Variants in SHC4 observed in about 807,000 individuals in gnomAD.
The protein encoded by SHC4 is SHC adaptor protein 4.
SHC4 carries 41 observed loss-of-function variants against 69.4 expected under a neutral mutation model. The ratio of observed to expected loss-of-function variants is 0.59; its 90% CI spans 0.46 to 0.77. The LOEUF (loss-of-function observed/expected upper bound fraction) is 0.77. SHC4 is among the 30% of genes least tolerant of loss of function. The pLI, the probability that SHC4 is intolerant of heterozygous loss-of-function variation, is 0.00. For synonymous variants in SHC4, 318 were observed against 299.3 expected, an observed-to-expected ratio of 1.06 and a Z score of -0.64; for missense variants, 777 against 783.8, an observed-to-expected ratio of 0.99 and a Z score of 0.10.
intron 10 of SHC4, among the ~76,000 whole-genome samples, chr15:48,836,192 A>G (rs1595726455): frequency 6.6e-6 from 1 of 152,140 alleles, no homozygotes; most frequent in Non-Finnish European, 1.5e-5. Flanking sequence ...CCCTGCCTCA[A>G]ACAAACAAAA....
chr15:48,880,695 T>C (rs1236226918), intron 4 of SHC4, among the ~76,000 whole-genome samples: 2 of 152,126 alleles, frequency 1.3e-5, no homozygotes, highest in East Asian at 1.9e-4. Context: ...TGTTTTTCAG[T>C]CTTAAAAATA....
intron 4 of SHC4, chr15:48,878,822 T>G: frequency 7.3e-7 from 1 of 1,374,962 alleles, no homozygotes; most frequent in Non-Finnish European, 9.8e-7. Flanking sequence ...CCAAATAGTT[T>G]TGTGCCATTG....
intron 1 of SHC4, among the ~76,000 whole-genome samples, chr15:48,940,962 T>G (rs1901164559): frequency 1.3e-5 from 2 of 152,222 alleles, no homozygotes; most frequent in African/African-American, 2.4e-5. Context: ...TCTTTTTACA[T>G]GAAACACAAG....
rs1567045702 is a variant in SHC4 at position 48,824,564 on chromosome 15, G to T, written c.*1407C>A. ...CTGAATGGTTTGGAGTCTAAACTAT[G>T]TGAATGTTGATCTCAGGTGTGCCAT... On this transcript the variant is annotated 3_prime_UTR_variant, in exon 12 of 12. Coordinates refer to ENST00000332408, the MANE Select transcript of SHC4 (RefSeq NM_203349.4). 2 of 152,144 alleles carry T rather than the reference G, an allele frequency of 1.3e-5. No homozygotes were observed. The highest frequency in any genetic ancestry group is 2.9e-5 in the Non-Finnish European group (2 of 68,030). The allele number at this position is 152,144 out of a possible 1,614,324, so 9.4% of individuals were successfully genotyped here. A position where few individuals can be genotyped will look rare whatever the true frequency, so the allele number is the denominator to read the frequency against.
chr15:48,905,693 A>G (rs1900394756), intron 2 of SHC4, among the ~76,000 whole-genome samples: 2 of 152,252 alleles, frequency 1.3e-5, no homozygotes, highest in South Asian at 4.1e-4. Context: ...ACACATGCAT[A>G]GGCTTTCACA....
intron 6 of SHC4, among the ~76,000 whole-genome samples, chr15:48,863,891 T>C (rs1049202968): frequency 6.6e-6 from 1 of 152,184 alleles, no homozygotes; most frequent in Non-Finnish European, 1.5e-5. Context: ...AAAACCGCCT[T>C]ATTTTTCTCA....
At chr15:48,840,468 T>A (rs918272525) in intron 10 of SHC4, among the ~76,000 whole-genome samples, 1 of 152,154 alleles carries the variant, frequency 6.6e-6, no homozygotes, top group African/African-American at 2.4e-5. Flanking sequence ...TTTGTTTGGT[T>A]TGGTTATACT....
At chr15:48,886,158 G>A (rs1900032013) in intron 3 of SHC4, among the ~76,000 whole-genome samples, 1 of 152,166 alleles carries the variant, frequency 6.6e-6, no homozygotes, top group South Asian at 2.1e-4. Flanking sequence ...TGAGGAGGCT[G>A]AGGTAGGAGA....
chr15:48,833,391 T>C (rs1898840918), intron 11 of SHC4, among the ~76,000 whole-genome samples: 1 of 152,178 alleles, frequency 6.6e-6, no homozygotes, highest in African/African-American at 2.4e-5. Context: ...TCCCTTGTTG[T>C]CCATGGTCAC....
intron 10 of SHC4, among the ~76,000 whole-genome samples, chr15:48,839,832 C>T (rs568766365): frequency 1.4e-4 from 22 of 152,286 alleles, no homozygotes; most frequent in Non-Finnish European, 2.8e-4. Flanking sequence ...GAAAAGTTCA[C>T]GAATATTTGT....
intron 4 of SHC4, chr15:48,877,362 G>A: frequency 1.3e-6 from 1 of 785,514 alleles, no homozygotes; most frequent in Non-Finnish European, 1.5e-6. Flanking sequence ...GAAATAAAGT[G>A]CAGAATAAAT....
chr15:48,828,764 T>C (rs1341677784), intron 11 of SHC4, among the ~76,000 whole-genome samples: 4 of 152,220 alleles, frequency 2.6e-5, no homozygotes, highest in Admixed American at 2.6e-4. Flanking sequence ...ATTAATGATG[T>C]TGATTGAGCA....
intron 2 of SHC4, among the ~76,000 whole-genome samples, chr15:48,912,408 A>C (rs887668714): frequency 3.9e-5 from 6 of 152,180 alleles, no homozygotes; most frequent in East Asian, 1.9e-4. Context: ...TCACATTTCT[A>C]AAAGTGTGTC....
chr15:48,878,553 C>T, intron 4 of SHC4: 1 of 1,614,058 alleles, frequency 6.2e-7, no homozygotes, highest in Non-Finnish European at 8.5e-7. Context: ...AGAGTATCAG[C>T]CGCTCTTGAA....
In SHC4 at chr15:48,962,959, G is replaced by A. The variant is rs761322567; in HGVS notation, c.57C>T (p.Phe19=). The change falls in exon 1 of 12, where the codon TTC becomes TTT. Residue 19 remains phenylalanine (F), a synonymous_variant. Transcript: ENST00000332408. ...LAGLVLYVGL[F]GHPGMLHRAK... is the part of the protein sequence containing the mutation. The stretch of plus-strand genomic sequence containing the variant: ...CCCTGTGCAGCATCCCGGGGTGCCC[G>A]AAGAGTCCTACATACAGCACGAGTC... 4 of 1,613,032 alleles carry A rather than the reference G, an allele frequency of 2.5e-6. No individual in the cohort carries two copies. The highest frequency in any genetic ancestry group is 2.5e-6 in the Non-Finnish European group (3 of 1,179,964).
At chr15:48,929,819 G>A (rs1222397587) in intron 1 of SHC4, among the ~76,000 whole-genome samples, 1 of 152,190 alleles carries the variant, frequency 6.6e-6, no homozygotes, top group Non-Finnish European at 1.5e-5. Context: ...GGAGCTCAGC[G>A]TTGCTCAGAC....
intron 9 of SHC4, among the ~76,000 whole-genome samples, chr15:48,844,982 A>G (rs8025580): frequency 0.049 from 7,417 of 152,274 alleles, 513 homozygotes; most frequent in African/African-American, 0.15. Context: ...TACAACCTCC[A>G]AAGTCCATAT....
intron 4 of SHC4, among the ~76,000 whole-genome samples, chr15:48,881,077 G>T (rs1899935498): frequency 6.6e-6 from 1 of 151,552 alleles, no homozygotes; most frequent in Non-Finnish European, 1.5e-5. Context: ...GATTTTGCAA[G>T]GTAGGGGATT....
intron 2 of SHC4, among the ~76,000 whole-genome samples, chr15:48,909,912 T>C (rs140887642): frequency 0.016 from 2,412 of 152,300 alleles, 38 homozygotes; most frequent in Non-Finnish European, 0.026. Flanking sequence ...ACCCACTTGA[T>C]CATGGTGGAT....
Sources: allele counts gnomAD v4.1 joint callset (sites outside exome capture counted in the v4.1 genomes callset), GRCh38; gene constraint gnomAD v4.1.1; transcripts MANE v1.5; gene names NCBI Gene and HGNC (gene_info 2026-07-23, HGNC 2026-07-21).